Variants in KCNN2 observed in about 807,000 individuals in gnomAD.
KCNN2 encodes the protein small conductance calcium-activated potassium channel protein 2.
KCNN2 carries 24 observed loss-of-function variants against 55.5 expected under a neutral mutation model. The ratio of observed to expected loss-of-function variants is 0.43; its 90% CI spans 0.31 to 0.61. The LOEUF (loss-of-function observed/expected upper bound fraction) is 0.61, where lower values mean the gene tolerates loss of function less well. Ranked by LOEUF, KCNN2 falls within the 20% of genes least tolerant of loss-of-function variation. The pLI is 0.08. For missense variants in KCNN2, 754 were observed against 853.6 expected, an observed-to-expected ratio of 0.88 and a Z score of 1.45; for synonymous variants, 431 against 336.1, an observed-to-expected ratio of 1.28 and a Z score of -3.09.
intron 1 of KCNN2, among the ~76,000 whole-genome samples, chr5:114,158,504 A>T (rs1010442097): frequency 2.0e-5 from 3 of 152,028 alleles, no homozygotes; most frequent in African/African-American, 7.2e-5. Context: ...TTGGTTCCAT[A>T]TGAAGTTTAA....
intron 3 of KCNN2, among the ~76,000 whole-genome samples, chr5:114,456,237 T>A (rs1220066906): frequency 2.0e-5 from 3 of 152,188 alleles, no homozygotes; most frequent in Admixed American, 6.5e-5. Context: ...CAATCCTGAT[T>A]TACCATGCTG....
At chr5:114,331,048 G>A (rs1756811991) in intron 2 of KCNN2, among the ~76,000 whole-genome samples, 1 of 152,162 alleles carries the variant, frequency 6.6e-6, no homozygotes, top group South Asian at 2.1e-4. Context: ...TGGATCATTT[G>A]TTCTCCATCA....
At chr5:114,457,891 A>G (rs550640400) in intron 3 of KCNN2, among the ~76,000 whole-genome samples, 1 of 152,328 alleles carries the variant, frequency 6.6e-6, no homozygotes, top group African/African-American at 2.4e-5. Flanking sequence ...TTGTTGCTAG[A>G]TAACCAATGT....
chr5:114,322,544 C>T (rs1383514459), intron 2 of KCNN2, among the ~76,000 whole-genome samples: 1 of 150,230 alleles, frequency 6.7e-6, no homozygotes, highest in East Asian at 2.0e-4. Context: ...ACACTGCATG[C>T]ATACATGTGC....
chr5:114,387,168 CT>C (rs1758313861), intron 2 of KCNN2, among the ~76,000 whole-genome samples: 1 of 152,162 alleles, frequency 6.6e-6, no homozygotes, highest in Admixed American at 6.5e-5. Context: ...AATGGATAAT[CT>C]TTATTAAAAA....
At chr5:114,090,140 G>T (rs1751105648) in intron 1 of KCNN2, among the ~76,000 whole-genome samples, 1 of 152,000 alleles carries the variant, frequency 6.6e-6, no homozygotes, top group Non-Finnish European at 1.5e-5. Context: ...TAGAGCAAAG[G>T]CAATCGTATG....
intron 1 of KCNN2, among the ~76,000 whole-genome samples, chr5:114,196,914 T>G (rs1753568405): frequency 6.6e-6 from 1 of 152,048 alleles, no homozygotes; most frequent in Admixed American, 6.6e-5. Flanking sequence ...TTTTTCTAGT[T>G]TCTTAAGATA....
intron 3 of KCNN2, among the ~76,000 whole-genome samples, chr5:114,408,053 A>G (rs909175456): frequency 6.6e-6 from 1 of 152,192 alleles, no homozygotes; most frequent in African/African-American, 2.4e-5. Flanking sequence ...ATGCAGAAGT[A>G]CTGGTGCCAA....
intron 2 of KCNN2, among the ~76,000 whole-genome samples, chr5:114,376,452 G>A (rs192718380): frequency 1.4e-3 from 208 of 152,304 alleles, no homozygotes; most frequent in Non-Finnish European, 2.3e-3. Context: ...GTGAGCAGAA[G>A]CCTCACCTTC....
intron 1 of KCNN2, among the ~76,000 whole-genome samples, chr5:114,110,963 A>T (rs1230146065): frequency 6.6e-6 from 1 of 152,156 alleles, no homozygotes; most frequent in Non-Finnish European, 1.5e-5. Context: ...TACTTCACAG[A>T]ATTGGAAACA....
intron 1 of KCNN2, among the ~76,000 whole-genome samples, chr5:114,080,430 T>G (rs1750787591): frequency 6.6e-6 from 1 of 152,200 alleles, no homozygotes; most frequent in African/African-American, 2.4e-5. Flanking sequence ...CCTGGAGATG[T>G]CTGCGTGGAA....
chr5:114,107,483 C>G (rs1238750909), intron 1 of KCNN2, among the ~76,000 whole-genome samples: 2 of 152,094 alleles, frequency 1.3e-5, no homozygotes, highest in African/African-American at 2.4e-5. Context: ...ATCCTAGGCT[C>G]AAGTGATCCT....
chr5:114,478,822 A>T (rs1291687245), intron 5 of KCNN2, among the ~76,000 whole-genome samples: 1 of 152,136 alleles, frequency 6.6e-6, no homozygotes, highest in Non-Finnish European at 1.5e-5. Flanking sequence ...AGGAGAATAT[A>T]AGATCCTTTC....
intron 1 of KCNN2, among the ~76,000 whole-genome samples, chr5:114,145,690 TA>T (rs200526334): frequency 0.22 from 34,126 of 152,014 alleles, 3,998 homozygotes; most frequent in Non-Finnish European, 0.25. Context: ...ATCATTAACA[TA>T]GACCTGATAG....
intron 1 of KCNN2, among the ~76,000 whole-genome samples, chr5:114,192,826 C>A (rs1017137138): frequency 7.9e-5 from 12 of 152,116 alleles, no homozygotes; most frequent in Non-Finnish European, 1.6e-4. Flanking sequence ...ACAAAATCCT[C>A]TAAGCTTCTG....
intron 2 of KCNN2, among the ~76,000 whole-genome samples, chr5:114,401,258 T>C (rs1758780158): frequency 6.6e-6 from 1 of 152,228 alleles, no homozygotes; most frequent in South Asian, 2.1e-4. Context: ...AACAACTATG[T>C]AATAGAACAT....
At chr5:114,214,293 A>G (rs975005560) in intron 1 of KCNN2, among the ~76,000 whole-genome samples, 13 of 151,958 alleles carry the variant, frequency 8.6e-5, no homozygotes, top group African/African-American at 3.1e-4. Flanking sequence ...GTGATGCAAT[A>G]AAACTTTGTT....
chr5:114,194,173 T>G (rs1424500550), intron 1 of KCNN2, among the ~76,000 whole-genome samples: 1 of 152,126 alleles, frequency 6.6e-6, no homozygotes, highest in Non-Finnish European at 1.5e-5. Flanking sequence ...ATGCATGAGT[T>G]TTTGTGTAGA....
At chr5:114,274,093 G>A (rs1174791728) in intron 2 of KCNN2, among the ~76,000 whole-genome samples, 1 of 152,188 alleles carries the variant, frequency 6.6e-6, no homozygotes, top group African/African-American at 2.4e-5. Flanking sequence ...TTATTAAATA[G>A]GGAATCATTC....
Sources: allele counts gnomAD v4.1 joint callset (sites outside exome capture counted in the v4.1 genomes callset), GRCh38; gene constraint gnomAD v4.1.1; transcripts MANE v1.5; gene names NCBI Gene and HGNC (gene_info 2026-07-23, HGNC 2026-07-21).